The following FHIP1A variants were observed in gnomAD, a reference collection of about 807,000 sequenced individuals.
FHIP1A encodes FHF complex subunit HOOK interacting protein 1A.
FHIP1A carries 61 observed loss-of-function variants against 88.6 expected under a neutral mutation model. The ratio of observed to expected loss-of-function variants is 0.69; its 90% CI spans 0.56 to 0.85. The LOEUF is 0.85. FHIP1A is among the 40% of genes least tolerant of loss of function. The pLI is 0.00. For missense variants in FHIP1A, 1,154 were observed against 1,273.5 expected (o/e 0.91, Z 1.43); for synonymous variants, 478 against 496.0 (o/e 0.96, Z 0.48).
At chr4:151,430,318 A>G (rs559245852) in intron 1 of FHIP1A, among the ~76,000 whole-genome samples, 1 of 152,346 alleles carries the variant, frequency 6.6e-6, no homozygotes, top group East Asian at 1.9e-4. Context: ...ACACTTATAA[A>G]GTGCCTTACA....
intron 3 of FHIP1A, among the ~76,000 whole-genome samples, chr4:151,518,392 A>T (rs1228667438): frequency 1.3e-5 from 2 of 152,114 alleles, no homozygotes; most frequent in African/African-American, 4.8e-5. Context: ...CAATGACAAA[A>T]TCATGTAAGG....
chr4:151,538,114 C>CCTTAGA (rs1361234967), intron 3 of FHIP1A, among the ~76,000 whole-genome samples: 4 of 152,216 alleles, frequency 2.6e-5, no homozygotes, highest in African/African-American at 7.2e-5. Flanking sequence ...TGAGAACGTT[C>CCTTAGA]CCTTAGACCA....
intron 9 of FHIP1A, among the ~76,000 whole-genome samples, chr4:151,643,194 T>A (rs931142385): frequency 2.0e-5 from 3 of 152,222 alleles, no homozygotes; most frequent in Non-Finnish European, 1.5e-5. Context: ...TTCATTCTAT[T>A]TCTAATCTTT....
chr4:151,588,768 C>A, intron 6 of FHIP1A, 72 bp from the exon 7 acceptor site: 1 of 982,106 alleles, frequency 1.0e-6, no homozygotes, highest in Non-Finnish European at 1.6e-6. Flanking sequence ...AGGATGTACA[C>A]AGAATTGTTT....
intron 7 of FHIP1A, among the ~76,000 whole-genome samples, chr4:151,593,165 G>A (rs552188545): frequency 2.0e-5 from 3 of 152,256 alleles, no homozygotes; most frequent in African/African-American, 7.2e-5. Flanking sequence ...TGTTACTGTA[G>A]CCTTGTAGTA....
At chr4:151,497,859 A>T (rs1730518808) in intron 3 of FHIP1A, among the ~76,000 whole-genome samples, 1 of 152,210 alleles carries the variant, frequency 6.6e-6, no homozygotes, top group Non-Finnish European at 1.5e-5. Context: ...AGTTTTAGCG[A>T]GAATTCTGCT....
chr4:151,656,387 C>G lies in FHIP1A; in HGVS notation c.2707C>G (p.Pro903Ala). Reference sequence around the variant, plus strand: ...GCTCAACACCAACATGGTCTTCCAGCCAAGCGTCCGCTCTCTCTATCAGGT... The same window carrying G: ...GCTCAACACCAACATGGTCTTCCAGGCAAGCGTCCGCTCTCTCTATCAGGT... ...FLLNTNMVFQ[P>A]SVRSLYQVLA... The change falls in exon 12 of 14, where the codon CCA becomes GCA. Residue 903 changes from proline (P) to alanine (A), a missense_variant. Physicochemically the swap from Pro to Ala is conservative, Grantham distance 27. Transcript: ENST00000435205. This position sits in a 1 kb window ranked among gnomAD's most constrained non-coding sequence, Gnocchi z 4.2. 6.4e-7 allele frequency: 1 copy of G among 1,551,762 alleles called. No homozygotes were observed. The highest frequency in any genetic ancestry group is 8.7e-7 in the Non-Finnish European group (1 of 1,147,004).
At chr4:151,526,989 C>T (rs890063010) in intron 3 of FHIP1A, among the ~76,000 whole-genome samples, 1 of 151,604 alleles carries the variant, frequency 6.6e-6, no homozygotes, top group Admixed American at 6.6e-5. Context: ...AGGTGCTCCT[C>T]ACTTCCTAGA....
At chr4:151,619,109 C>T (rs1051264010) in intron 7 of FHIP1A, among the ~76,000 whole-genome samples, 1 of 152,170 alleles carries the variant, frequency 6.6e-6, no homozygotes, top group Non-Finnish European at 1.5e-5. Context: ...AGCTAGCCAG[C>T]TCTCAGGGAG....
intron 7 of FHIP1A, among the ~76,000 whole-genome samples, chr4:151,626,332 G>A (rs375501104): frequency 6.6e-6 from 1 of 152,060 alleles, no homozygotes; most frequent in Non-Finnish European, 1.5e-5. Context: ...AGAAGGACCC[G>A]GACAAGGGCT....
intron 2 of FHIP1A, among the ~76,000 whole-genome samples, chr4:151,468,307 A>AG (rs1554079916): frequency 4.6e-5 from 7 of 151,584 alleles, no homozygotes; most frequent in Admixed American, 2.0e-4. Context: ...AAAAAAAAAA[A>AG]AGAATACAAA....
chr4:151,473,776 C>G (rs1729607786), intron 2 of FHIP1A, among the ~76,000 whole-genome samples: 1 of 152,096 alleles, frequency 6.6e-6, no homozygotes, highest in Admixed American at 6.5e-5. Flanking sequence ...TTGCTTCCTC[C>G]CTGGTATGAA....
intron 13 of FHIP1A, among the ~76,000 whole-genome samples, chr4:151,659,537 C>A (rs964262907): frequency 1.3e-5 from 2 of 152,224 alleles, no homozygotes; most frequent in Non-Finnish European, 2.9e-5. Flanking sequence ...GTATCTCTCT[C>A]CTCACTTCTG....
At chr4:151,426,343 G>A (rs570102543) in intron 1 of FHIP1A, among the ~76,000 whole-genome samples, 4 of 152,148 alleles carry the variant, frequency 2.6e-5, no homozygotes, top group Admixed American at 1.3e-4. Flanking sequence ...TAAATGCAAC[G>A]CTTAATTTTT....
intron 7 of FHIP1A, among the ~76,000 whole-genome samples, chr4:151,615,729 A>T (rs368744795): frequency 6.6e-6 from 1 of 152,194 alleles, no homozygotes. Flanking sequence ...CATTTTGTGT[A>T]CATCCTGCTG....
chr4:151,580,772 A>G, intron 5 of FHIP1A, among the ~76,000 whole-genome samples: 1 of 152,080 alleles, frequency 6.6e-6, no homozygotes, highest in South Asian at 2.1e-4. Flanking sequence ...TCAGCATTCA[A>G]AGTGTATGAA....
chr4:151,600,420 G>A (rs1734818775), intron 7 of FHIP1A, among the ~76,000 whole-genome samples: 3 of 152,166 alleles, frequency 2.0e-5, no homozygotes, highest in Non-Finnish European at 2.9e-5. Context: ...TTTGTCATAT[G>A]TTATGTATTT....
chr4:151,573,806 G>A (rs1483697461), intron 4 of FHIP1A, among the ~76,000 whole-genome samples: 2 of 152,030 alleles, frequency 1.3e-5, no homozygotes, highest in African/African-American at 4.8e-5. Context: ...AAATATTGGA[G>A]TTTGATGGGA....
chr4:151,453,877 AAAAC>A (rs1452359866), intron 1 of FHIP1A, among the ~76,000 whole-genome samples: 4 of 152,148 alleles, frequency 2.6e-5, no homozygotes, highest in Non-Finnish European at 4.4e-5. Flanking sequence ...CTCAAAAACA[AAAAC>A]AAAAACAAAA....
Sources: allele counts gnomAD v4.1 joint callset (sites outside exome capture counted in the v4.1 genomes callset), GRCh38; gene constraint gnomAD v4.1.1; non-coding constraint Gnocchi (gnomAD v3.1); transcripts MANE v1.5; gene names NCBI Gene and HGNC (gene_info 2026-07-23, HGNC 2026-07-21).